The following HEATR5B variants were observed in gnomAD, a reference collection of about 807,000 sequenced individuals.
HEATR5B encodes HEAT repeat containing 5B.
A neutral mutation model predicts 224.1 loss-of-function variants in HEATR5B; 156 were observed. The ratio of observed to expected loss-of-function variants is 0.70; its 90% CI spans 0.61 to 0.80. The LOEUF (loss-of-function observed/expected upper bound fraction) is 0.80. Among genes scored for constraint, HEATR5B ranks in the 30% least tolerant of loss-of-function variants. HEATR5B has a pLI of 0.00. For synonymous variants in HEATR5B, 1,027 were observed against 893.0 expected, an observed-to-expected ratio of 1.15 and a Z score of -2.68; for missense variants, 2,323 against 2,535.5, an observed-to-expected ratio of 0.92 and a Z score of 1.80.
intron 33 of HEATR5B, among the ~76,000 whole-genome samples, chr2:36,991,566 C>T (rs1277420088): frequency 6.6e-6 from 1 of 151,306 alleles, no homozygotes; most frequent in Non-Finnish European, 1.5e-5. Flanking sequence ...GAATTTCTTG[C>T]CATTACATTT....
Position 37,064,766 on chromosome 2 carries a change from A to G in HEATR5B, c.1558T>C (p.Leu520=), listed in dbSNP as rs1671487356. 2 of 1,614,080 alleles carry G rather than the reference A, an allele frequency of 1.2e-6. No homozygotes were observed. The highest frequency in any genetic ancestry group is 2.7e-5 in the African/African-American group (2 of 75,012). The change falls in exon 10 of 36, where the codon TTG becomes CTG. Residue 520 remains leucine (L), a synonymous_variant. Coordinates refer to ENST00000233099, the MANE Select transcript of HEATR5B (RefSeq NM_019024.3). ...ALLGGVHQCP[L]GIPHAKGKMV... The stretch of plus-strand genomic sequence containing the variant: ...TTTCCTTTGGCATGAGGAATGCCCA[A>G]AGGACACTGATGTACTCCACCTAAC...
chr2:37,075,592 G>T lies in HEATR5B; in HGVS notation c.490C>A (p.Leu164Ile), dbSNP rs370081935. 1.9e-6 allele frequency: 3 copies of T among 1,613,520 alleles called. No homozygotes were observed. In the African/African-American group the frequency reaches 4.0e-5, roughly 22 times the overall value. Reference protein sequence around the residue: ...SEILMSLQKVLSGLGGAAASS... With the variant: ...SEILMSLQKVISGLGGAAASS... ...GCTGCTGCACCACCCAGTCCACTTA[G>T]AACTTTCTGTAGACTCATTAAGATT... The change falls in exon 5 of 36, where the codon CTA (leucine) becomes ATA (isoleucine). Residue 164 changes from leucine to isoleucine, a missense_variant. By Grantham distance (5) the Leu-to-Ile change is conservative (BLOSUM62 2). Coordinates refer to ENST00000233099, the MANE Select transcript of HEATR5B (RefSeq NM_019024.3).
intron 26 of HEATR5B, 54 bp downstream of exon 26, chr2:37,019,755 G>C: frequency 8.2e-7 from 1 of 1,221,424 alleles, no homozygotes. Flanking sequence ...TAAATTCTAA[G>C]ATATCTATGA....
Position 37,007,202 on chromosome 2 carries a change from G to T in HEATR5B, c.4625C>A (p.Thr1542Lys). 2 of 1,614,070 alleles carry T rather than the reference G, an allele frequency of 1.2e-6. No homozygotes were observed. The highest frequency in any genetic ancestry group is 1.7e-6 in the Non-Finnish European group (2 of 1,180,018). The change falls in exon 29 of 36, where the codon ACA (threonine) becomes AAA (lysine). Residue 1542 changes from threonine to lysine, a missense_variant. By Grantham distance (78) the Thr-to-Lys change is moderately conservative. Coordinates refer to ENST00000233099, the MANE Select transcript of HEATR5B (RefSeq NM_019024.3). The stretch of plus-strand genomic sequence containing the variant: ...TGTAGACTCTGAGCACGTAAATCCT[G>T]TGCTATTTAACCAAAGTGCCACCGC... ...LHAVALWLNS[T>K]GFTCSESTEA... is the part of the protein sequence containing the mutation.
intron 33 of HEATR5B, among the ~76,000 whole-genome samples, chr2:36,992,505 C>T (rs1572746218): frequency 6.6e-6 from 1 of 151,934 alleles, no homozygotes; most frequent in Non-Finnish European, 1.5e-5. Flanking sequence ...CACTTTAGCC[C>T]TAGAGGTTAA....
chr2:37,035,173 A>T (rs73924969), intron 21 of HEATR5B, among the ~76,000 whole-genome samples: 6,637 of 152,304 alleles, frequency 0.044, 475 homozygotes, highest in African/African-American at 0.15. Context: ...AGCCTAAGTG[A>T]AAGAAACAAA....
chr2:37,032,886 T>TC, intron 21 of HEATR5B, 113 bp from the exon 22 acceptor site: 1 of 848,400 alleles, frequency 1.2e-6, no homozygotes, highest in East Asian at 3.2e-5. Context: ...TTTGTTTTGT[T>TC]TTTTTTTTTT....
Position 37,070,212 on chromosome 2 carries a change from C to T in HEATR5B, c.927+18G>A. 6.2e-7 allele frequency: 1 copy of T among 1,613,416 alleles called. No homozygotes were observed. The highest frequency in any genetic ancestry group is 8.5e-7 in the Non-Finnish European group (1 of 1,179,554). On this transcript the variant is annotated intron_variant, in intron 7 of 35. Coordinates refer to ENST00000233099, the MANE Select transcript of HEATR5B (RefSeq NM_019024.3). ...ACCGTGCCTGGCCAAAATTCTTTCA[C>T]ACATACGTGTTACAAACCTGCGTAA...
chr2:37,001,756 C>A (rs1175184397), intron 32 of HEATR5B, among the ~76,000 whole-genome samples: 1 of 151,946 alleles, frequency 6.6e-6, no homozygotes, highest in Admixed American at 6.6e-5. Flanking sequence ...CTCTGCCTCC[C>A]GGGTTCAAGT....
intron 14 of HEATR5B, among the ~76,000 whole-genome samples, chr2:37,058,234 G>T: frequency 6.6e-6 from 1 of 152,220 alleles, no homozygotes; most frequent in East Asian, 1.9e-4. Context: ...GGCCTCATAA[G>T]TTGCAACACA....
At chr2:37,031,835 A>C (rs1669153053) in intron 22 of HEATR5B, among the ~76,000 whole-genome samples, 1 of 152,096 alleles carries the variant, frequency 6.6e-6, no homozygotes, top group Admixed American at 6.5e-5. Context: ...TATCTCTGTC[A>C]ATTAAACTCT....
intron 26 of HEATR5B, among the ~76,000 whole-genome samples, chr2:37,015,827 C>A (rs975324166): frequency 1.3e-5 from 2 of 152,010 alleles, no homozygotes; most frequent in Non-Finnish European, 2.9e-5. Context: ...TTACATAACC[C>A]TAGGAATTCC....
At chr2:37,013,779 G>C in intron 27 of HEATR5B, 62 bp downstream of exon 27, 1 of 1,400,486 alleles carries the variant, frequency 7.1e-7, no homozygotes, top group South Asian at 1.6e-5. Flanking sequence ...CAAGAGTAGA[G>C]GAACATTTTC....
intron 24 of HEATR5B, among the ~76,000 whole-genome samples, chr2:37,027,440 A>G (rs1668851011): frequency 6.6e-6 from 1 of 152,230 alleles, no homozygotes; most frequent in African/African-American, 2.4e-5. Flanking sequence ...AATTGTTTCC[A>G]TAATAAACAA....
intron 5 of HEATR5B, 84 bp downstream of exon 5, chr2:37,075,401 A>C: frequency 2.1e-6 from 2 of 959,688 alleles, no homozygotes; most frequent in Non-Finnish European, 2.8e-6. Flanking sequence ...AACATAATTT[A>C]AAATTTTAAA....
chr2:37,043,237 G>A (rs1400327565), intron 18 of HEATR5B, among the ~76,000 whole-genome samples: 1 of 152,172 alleles, frequency 6.6e-6, no homozygotes. Context: ...AACAGGAGAT[G>A]GAACATGGCT....
At chr2:37,079,036 G>T in intron 3 of HEATR5B, 84 bp downstream of exon 3, 1 of 781,278 alleles carries the variant, frequency 1.3e-6, no homozygotes, top group Non-Finnish European at 2.0e-6. Flanking sequence ...CCACCTGGGG[G>T]TTTTTATGGT....
chr2:37,008,457 A>G (rs1667569009), intron 28 of HEATR5B, 154 bp downstream of exon 28: 1 of 629,558 alleles, frequency 1.6e-6, no homozygotes, highest in Non-Finnish European at 2.8e-6. Flanking sequence ...AATTCAATAT[A>G]GAGTACATAT....
At chr2:37,010,716 G>A (rs193185727) in intron 27 of HEATR5B, among the ~76,000 whole-genome samples, 41 of 152,012 alleles carry the variant, frequency 2.7e-4, no homozygotes, top group Non-Finnish European at 4.7e-4. Context: ...GTTTCTCCAC[G>A]TTGGCCAGGC....
Sources: allele counts gnomAD v4.1 joint callset (sites outside exome capture counted in the v4.1 genomes callset), GRCh38; gene constraint gnomAD v4.1.1; transcripts MANE v1.5; gene names NCBI Gene and HGNC (gene_info 2026-07-23, HGNC 2026-07-21).